PTCH2: variants seen among roughly 807,000 people sequenced by gnomAD.
PTCH2 encodes the protein patched 2.
PTCH2 carries 96 observed loss-of-function variants against 117.9 expected under a neutral mutation model. The observed-to-expected ratio is 0.81, with a 90% CI of 0.69 to 0.96. The LOEUF is 0.96. Ranked by LOEUF, PTCH2 falls within the 50% of genes least tolerant of loss-of-function variation. The probability of loss-of-function intolerance (pLI) is 0.00; values close to 1 mark genes in which losing one functional copy is unlikely to be tolerated. For synonymous variants in PTCH2, 615 were observed against 660.9 expected, an observed-to-expected ratio of 0.93 and a Z score of 1.06; for missense variants, 1,379 against 1,562.5, an observed-to-expected ratio of 0.88 and a Z score of 1.98.
Position 44,822,335 on chromosome 1 carries a change from T to A in PTCH2, c.*80A>T. On this transcript the variant is annotated 3_prime_UTR_variant, in exon 22 of 22. Transcript: ENST00000372192. ...AGCAGCAGGGCCCTCCAGGGGTCCA[T>A]CCTGCGTCTAACACCAGACCCAGTG... The A allele has an allele frequency of 6.2e-7, 1 of 1,606,142 alleles. No individual in the cohort carries two copies. The highest frequency in any genetic ancestry group is 2.2e-5 in the East Asian group (1 of 44,886).
intron 19 of PTCH2, among the ~76,000 whole-genome samples, chr1:44,824,648 C>A (rs933794873): frequency 6.6e-6 from 1 of 152,082 alleles, no homozygotes; most frequent in East Asian, 1.9e-4. Context: ...CAGGCACGCA[C>A]CACCATGCCC....
chr1:44,831,193 T>A lies in PTCH2; in HGVS notation c.618-150A>T. On this transcript the variant is annotated intron_variant, in intron 5 of 21. Coordinates refer to ENST00000372192, the MANE Select transcript of PTCH2 (RefSeq NM_003738.5). The surrounding 1 kb of genome is among the most constrained non-coding windows in gnomAD (Gnocchi z 4.3). Reference sequence around the variant, plus strand: ...TGTGCAAGCCTCAGCTTCTCAGAACTGCCAGGCTGCATGGGCCCACCAGGG... The same window carrying A: ...TGTGCAAGCCTCAGCTTCTCAGAACAGCCAGGCTGCATGGGCCCACCAGGG... 1 of 823,356 alleles carries A rather than the reference T, an allele frequency of 1.2e-6. No individual in the cohort carries two copies. The highest frequency in any genetic ancestry group is 1.9e-6 in the Non-Finnish European group (1 of 526,306). The allele number at this position is 823,356 out of a possible 1,614,324, so 51.0% of individuals were successfully genotyped here.
chr1:44,830,427 C>G (rs942581091), intron 6 of PTCH2, among the ~76,000 whole-genome samples: 2 of 151,808 alleles, frequency 1.3e-5, no homozygotes, highest in African/African-American at 4.8e-5. Context: ...CGCCTGTAAT[C>G]CCAGCACTTT....
intron 2 of PTCH2, among the ~76,000 whole-genome samples, chr1:44,838,040 C>A (rs1653764219): frequency 6.7e-6 from 1 of 149,248 alleles, no homozygotes; most frequent in African/African-American, 2.5e-5. Flanking sequence ...TAAGATCGCA[C>A]CTCTGCACTC....
chr1:44,842,474 T>G (rs1653996697), intron 1 of PTCH2, among the ~76,000 whole-genome samples: 2 of 152,012 alleles, frequency 1.3e-5, no homozygotes, highest in South Asian at 4.2e-4. Context: ...AGACAGAGTT[T>G]CCCCATGTTG....
At position 44,831,862 on chromosome 1, in the gene PTCH2, TCC is replaced by T; in HGVS notation, c.526-67_526-66del. ...AACCTTTGTAGGATGCCCTCTGCAA[TCC>T]CCCTCCTTAGTTTTAAGGGGGCAGA... On this transcript the variant is annotated intron_variant, in intron 4 of 21. Transcript: ENST00000372192. The surrounding 1 kb of genome is among the most constrained non-coding windows in gnomAD (Gnocchi z 4.3). 6.3e-7 allele frequency: 1 copy of T among 1,584,654 alleles called. No individual in the cohort carries two copies. Among genetic ancestry groups the T allele is most frequent in the Non-Finnish European group, 8.7e-7 (1 of 1,153,474 alleles).
In PTCH2 at chr1:44,832,177, T is replaced by C. The variant is rs746477787; in HGVS notation, c.430A>G (p.Lys144Glu). ...TTCCCATAGAGTGATACTTGGACTT[T>C]ACTGGCAGTGAGGGCTGCCTGGAGG... Reference protein sequence around the residue: ...LHLQAALTASKVQVSLYGKSW... With the variant: ...LHLQAALTASEVQVSLYGKSW... Residue 144 changes from lysine (K) to glutamate (E), a missense_variant, in exon 3 of 22, where the codon AAA (lysine) becomes GAA (glutamate). Lys to Glu is a moderately conservative substitution (Grantham distance 56). Coordinates refer to ENST00000372192, the MANE Select transcript of PTCH2 (RefSeq NM_003738.5). 4 of 1,614,144 alleles carry C rather than the reference T, an allele frequency of 2.5e-6. No homozygotes were observed. The highest frequency in any genetic ancestry group is 1.6e-4 in the Middle Eastern group (1 of 6,062).
chr1:44,820,731 A>G (rs1485754424), downstream of PTCH2: 13 of 718,076 alleles, frequency 1.8e-5, no homozygotes, highest in Non-Finnish European at 2.3e-5. Flanking sequence ...GAGGAGGCTT[A>G]GTGAGGCTGG....
chr1:44,828,171 A>C lies in PTCH2; in HGVS notation c.1730T>G (p.Ile577Ser), dbSNP rs41269091. The change falls in exon 14 of 22, where the codon ATT (isoleucine) becomes AGT (serine). Residue 577 changes from isoleucine to serine, a missense_variant. Coordinates refer to ENST00000372192, the MANE Select transcript of PTCH2 (RefSeq NM_003738.5). ...CCCCAGCTCCTGGGGCAGGATCTGA[A>C]TCACCTGAGCAGAGCAGGGACTGGA... ...CFSSPCSAQV[I>S]QILPQELGDG... 6.2e-7 allele frequency: 1 copy of C among 1,613,724 alleles called. No homozygotes were observed. Among genetic ancestry groups the C allele is most frequent in the Non-Finnish European group, 8.5e-7 (1 of 1,180,026 alleles).
rs1298586548 is a variant in PTCH2 at position 44,842,055 on chromosome 1, A to C, written c.73-16T>G. The C allele has an allele frequency of 6.3e-7, 1 of 1,599,942 alleles. No individual in the cohort carries two copies. The highest frequency in any genetic ancestry group is 8.6e-7 in the Non-Finnish European group (1 of 1,168,166). ...CAGCTAGGATCTGGGATGGAAAGAG[A>C]AGGGTCAGCCAGGCATCACTGCAAC... On this transcript the variant is annotated splice_polypyrimidine_tract_variant and intron_variant, in intron 1 of 21. Transcript: ENST00000372192.
downstream of PTCH2, among the ~76,000 whole-genome samples, chr1:44,820,952 C>T (rs1236936806): frequency 6.6e-6 from 1 of 152,164 alleles, no homozygotes; most frequent in Non-Finnish European, 1.5e-5. Context: ...TTCTCTTGAG[C>T]TTTTTAGGCA....
In PTCH2 at chr1:44,843,068, A is replaced by AC; in HGVS notation, c.-137dup. On this transcript the variant is annotated 5_prime_UTR_variant, in exon 1 of 22. Transcript: ENST00000372192. Reference sequence around the variant, plus strand: ...CCGCCAAGGCGCGGGCGTGGGAGAGACTGTGGGGTGTGGGTGTTAAAGCGG... The same window carrying AC: ...CCGCCAAGGCGCGGGCGTGGGAGAGACCTGTGGGGTGTGGGTGTTAAAGCGG... The AC allele has an allele frequency of 7.0e-7, 1 of 1,418,834 alleles. No homozygotes were observed. The highest frequency in any genetic ancestry group is 9.2e-7 in the Non-Finnish European group (1 of 1,090,880). The allele number at this position is 1,418,834 out of a possible 1,614,324, so 87.9% of individuals were successfully genotyped here.
At chr1:44,828,961 C>T in intron 11 of PTCH2, 21 bp downstream of exon 11, 1 of 1,550,410 alleles carries the variant, frequency 6.4e-7, no homozygotes. Context: ...CTCAGATGAG[C>T]CCTGGGGGAC....
intron 2 of PTCH2, among the ~76,000 whole-genome samples, chr1:44,832,542 T>G (rs895770669): frequency 6.6e-6 from 1 of 152,204 alleles, no homozygotes; most frequent in African/African-American, 2.4e-5. Flanking sequence ...GCCAGGGAAG[T>G]GGAGAAGCCT....
chr1:44,821,672 G>C (rs975824987), downstream of PTCH2: 9 of 744,368 alleles, frequency 1.2e-5, no homozygotes, highest in Non-Finnish European at 9.8e-6. Context: ...ACACAGTGGG[G>C]TTCTTTTTTT....
intron 6 of PTCH2, 105 bp downstream of exon 6, chr1:44,830,743 G>T (rs548672242): frequency 6.0e-6 from 7 of 1,168,266 alleles, no homozygotes; most frequent in South Asian, 1.9e-5. Context: ...GCCAGGAAGT[G>T]GGGGGTCAGG....
In PTCH2 at chr1:44,830,034, G is replaced by T. The variant is rs546273902; in HGVS notation, c.814-4C>A. Reference sequence around the variant, plus strand: ...GCTCGTGAGCCACATTGGGAGCCTGGAGGGGAACAGGAGGGGTTAATGCTC... The same window carrying T: ...GCTCGTGAGCCACATTGGGAGCCTGTAGGGGAACAGGAGGGGTTAATGCTC... On this transcript the variant is annotated splice_polypyrimidine_tract_variant and splice_region_variant and intron_variant, in intron 6 of 21. Coordinates refer to ENST00000372192, the MANE Select transcript of PTCH2 (RefSeq NM_003738.5). 1.5e-5 allele frequency: 25 copies of T among 1,614,056 alleles called. No individual in the cohort carries two copies. The South Asian group carries it at 2.5e-4, about 16-fold the overall frequency.
At chr1:44,820,845 TC>T (rs1652882076), downstream of PTCH2, 1 of 601,204 alleles carries the variant, frequency 1.7e-6, no homozygotes, top group Non-Finnish European at 3.1e-6. Flanking sequence ...AGAAGGCCCT[TC>T]TTGGTGACCC....
At chr1:44,837,623 T>G (rs1653744498) in intron 2 of PTCH2, among the ~76,000 whole-genome samples, 1 of 152,142 alleles carries the variant, frequency 6.6e-6, no homozygotes, top group African/African-American at 2.4e-5. Context: ...TGGTCTTGAA[T>G]TCCTGGGCTC....
Sources: gnomAD v4.1 joint callset for allele counts (sites outside exome capture counted in the v4.1 genomes callset) on GRCh38, gnomAD v4.1.1 for gene constraint, Gnocchi (gnomAD v3.1) non-coding constraint, MANE v1.5 for transcripts, NCBI Gene and HGNC (gene_info 2026-07-23, HGNC 2026-07-21) for gene names.